CPAP: variants seen among roughly 807,000 people sequenced by gnomAD.
The protein encoded by CPAP is centrosomal P4.1-associated protein.
chr13:24,922,053 G>GT, the CPAP span, among the ~76,000 whole-genome samples: 1 of 152,246 alleles, frequency 6.6e-6, no homozygotes, highest in African/African-American at 2.4e-5. Context: ...GGGTGCACGT[G>GT]TATGTCAAAC....
chr13:24,915,119 A>C, the CPAP span, among the ~76,000 whole-genome samples: 3 of 152,152 alleles, frequency 2.0e-5, no homozygotes, highest in South Asian at 6.2e-4. Flanking sequence ...AATAAAAAGC[A>C]ATTCTGACTC....
the CPAP span, chr13:24,932,980 C>T: frequency 2.6e-6 from 4 of 1,516,938 alleles, no homozygotes; most frequent in African/African-American, 4.1e-5. Context: ...AGAGAGGGTC[C>T]TTAAAAACTT....
At chr13:24,911,953 T>A in the CPAP span, 1 of 1,614,140 alleles carries the variant, frequency 6.2e-7, no homozygotes, top group Non-Finnish European at 8.5e-7. Flanking sequence ...TACCTGGAAG[T>A]GTGCACTGCC....
chr13:24,918,545 T>C, the CPAP span, among the ~76,000 whole-genome samples: 1 of 152,202 alleles, frequency 6.6e-6, no homozygotes, highest in Admixed American at 6.5e-5. Flanking sequence ...ATATTTTGTA[T>C]GTTATGTGTA....
the CPAP span, chr13:24,913,044 T>C: frequency 1.2e-6 from 2 of 1,606,384 alleles, no homozygotes; most frequent in East Asian, 2.2e-5. Flanking sequence ...AATGACACTA[T>C]TATATTTAAA....
At chr13:24,933,029 G>C in the CPAP span, 1 of 1,588,744 alleles carries the variant, frequency 6.3e-7, no homozygotes, top group East Asian at 2.2e-5. Context: ...TTTGCAAATT[G>C]TATCTTCTGT....
the CPAP span, among the ~76,000 whole-genome samples, chr13:24,922,438 C>T: frequency 1.3e-5 from 2 of 149,878 alleles, no homozygotes. Flanking sequence ...GCTACTTCAC[C>T]ACCCTGCTCC....
chr13:24,892,707 T>A, the CPAP span: 1 of 1,614,156 alleles, frequency 6.2e-7, no homozygotes, highest in Non-Finnish European at 8.5e-7. Flanking sequence ...CTTCCAGGCA[T>A]CCAGTCGGAA....
At chr13:24,900,822 C>T in the CPAP span, among the ~76,000 whole-genome samples, 5 of 152,054 alleles carry the variant, frequency 3.3e-5, no homozygotes, top group African/African-American at 4.8e-5. Flanking sequence ...GTGAAGCAGT[C>T]GGGTTAGAAA....
the CPAP span, chr13:24,913,118 G>A: frequency 3.6e-6 from 4 of 1,114,196 alleles, no homozygotes; most frequent in Admixed American, 1.9e-5. Flanking sequence ...CCAACAAAAT[G>A]TATTAGGTAA....
chr13:24,883,073 C>CTT, the CPAP span: 5 of 1,047,784 alleles, frequency 4.8e-6, no homozygotes, highest in South Asian at 1.3e-5. Flanking sequence ...AGAATCTAAT[C>CTT]TTTTCCCCAC....
At chr13:24,893,233 AG>A in the CPAP span, among the ~76,000 whole-genome samples, 1 of 152,248 alleles carries the variant, frequency 6.6e-6, no homozygotes, top group African/African-American at 2.4e-5. Flanking sequence ...GAATAACTGA[AG>A]GAAGACTAGA....
chr13:24,930,730 T>C, the CPAP span, among the ~76,000 whole-genome samples: 2 of 152,240 alleles, frequency 1.3e-5, no homozygotes, highest in Non-Finnish European at 2.9e-5. Context: ...GCACCTGAGT[T>C]GATTCCATGT....
the CPAP span, chr13:24,906,857 T>G: frequency 6.2e-7 from 1 of 1,614,238 alleles, no homozygotes; most frequent in Non-Finnish European, 8.5e-7. Context: ...TTCTTTGCCT[T>G]TTTGAAACTT....
the CPAP span, among the ~76,000 whole-genome samples, chr13:24,930,151 C>T: frequency 3.8e-3 from 581 of 152,038 alleles, 3 homozygotes; most frequent in African/African-American, 0.013. Context: ...GTGATCCTCC[C>T]GCCTTGGCCT....
chr13:24,904,673 T>C, the CPAP span, among the ~76,000 whole-genome samples: 1,052 of 152,356 alleles, frequency 6.9e-3, 12 homozygotes, highest in Admixed American at 0.019. Context: ...GGTAGTTAAG[T>C]TGTAAATATT....
chr13:24,888,361 AACAC>A, the CPAP span, among the ~76,000 whole-genome samples: 2 of 151,894 alleles, frequency 1.3e-5, no homozygotes, highest in South Asian at 2.1e-4. Flanking sequence ...TATAAGGAGA[AACAC>A]ACACACACAC....
chr13:24,883,898 C>A, the CPAP span: 17 of 1,606,918 alleles, frequency 1.1e-5, no homozygotes, highest in African/African-American at 1.3e-5. Context: ...GCTGGGGCAC[C>A]TTCTGAGCAC....
At chr13:24,912,854 C>A in the CPAP span, 1 of 1,614,144 alleles carries the variant, frequency 6.2e-7, no homozygotes, top group South Asian at 1.1e-5. Flanking sequence ...AAATGTGTGC[C>A]TTTAATAGGA....
Sources: allele counts gnomAD v4.1 joint callset (sites outside exome capture counted in the v4.1 genomes callset), GRCh38; gene constraint gnomAD v4.1.1; transcripts MANE v1.5; gene names NCBI Gene and HGNC (gene_info 2026-07-23, HGNC 2026-07-21).